XKR4: variants seen among roughly 807,000 people sequenced by gnomAD.
The protein encoded by XKR4 is XK related 4, also known as XK-related protein 4.
In XKR4, 12 loss-of-function variants were observed where a neutral mutation model predicts 53.9. The ratio of observed to expected loss-of-function variants is 0.22; its 90% confidence interval spans 0.14 to 0.36. The LOEUF (loss-of-function observed/expected upper bound fraction) is 0.36. XKR4 is among the 10% of genes least tolerant of loss of function. XKR4 has a pLI of 1.00. For missense variants in XKR4, 799 were observed against 859.5 expected, an observed-to-expected ratio of 0.93 and a Z score of 0.88; for synonymous variants, 354 against 362.4, an observed-to-expected ratio of 0.98 and a Z score of 0.26.
At chr8:55,366,285 C>G (rs1361291723) in intron 2 of XKR4, among the ~76,000 whole-genome samples, 2 of 152,240 alleles carry the variant, frequency 1.3e-5, no homozygotes, top group Non-Finnish European at 2.9e-5. Context: ...CACACACTTC[C>G]CATTCTGTTT....
intron 2 of XKR4, among the ~76,000 whole-genome samples, chr8:55,438,171 C>A (rs1297170689): frequency 1.3e-5 from 2 of 152,036 alleles, no homozygotes; most frequent in East Asian, 3.9e-4. Flanking sequence ...TAACTAAGTC[C>A]CAATTCAATT....
chr8:55,461,967 G>C (rs1028349507), intron 2 of XKR4, among the ~76,000 whole-genome samples: 1 of 152,164 alleles, frequency 6.6e-6, no homozygotes, highest in Non-Finnish European at 1.5e-5. Flanking sequence ...AGAAATATGG[G>C]ACTATGTCAA....
intron 1 of XKR4, among the ~76,000 whole-genome samples, chr8:55,144,267 C>T (rs1816742045): frequency 6.6e-6 from 1 of 151,998 alleles, no homozygotes; most frequent in South Asian, 2.1e-4. Context: ...TGTTAAACAT[C>T]TAGAGAATTA....
chr8:55,457,312 T>G (rs555500337), intron 2 of XKR4, among the ~76,000 whole-genome samples: 48 of 152,100 alleles, frequency 3.2e-4, no homozygotes, highest in Non-Finnish European at 5.6e-4. Flanking sequence ...CCAGCTAATT[T>G]TTTGTATTTT....
At chr8:55,230,861 G>A (rs1354075014) in intron 1 of XKR4, among the ~76,000 whole-genome samples, 1 of 152,180 alleles carries the variant, frequency 6.6e-6, no homozygotes, top group Non-Finnish European at 1.5e-5. Context: ...ATCCCGCCAA[G>A]CCACTGGTGC....
intron 1 of XKR4, among the ~76,000 whole-genome samples, chr8:55,282,875 A>G (rs113103162): frequency 1.3e-3 from 204 of 152,264 alleles, no homozygotes; most frequent in African/African-American, 4.8e-3. Flanking sequence ...AGTTCCATTC[A>G]TTGTAAAATT....
At chr8:55,258,127 C>T (rs1210836531) in intron 1 of XKR4, among the ~76,000 whole-genome samples, 1 of 152,192 alleles carries the variant, frequency 6.6e-6, no homozygotes, top group African/African-American at 2.4e-5. Context: ...AACAACTCTC[C>T]ATGAGAATGC....
At chr8:55,298,841 G>A (rs543265794) in intron 1 of XKR4, among the ~76,000 whole-genome samples, 3 of 152,180 alleles carry the variant, frequency 2.0e-5, no homozygotes, top group African/African-American at 7.2e-5. Context: ...TTTTTTCTGA[G>A]CTATTCGAGA....
At chr8:55,305,395 A>G (rs898177219) in intron 1 of XKR4, among the ~76,000 whole-genome samples, 1 of 152,122 alleles carries the variant, frequency 6.6e-6, no homozygotes, top group African/African-American at 2.4e-5. Context: ...AGGGACCCAG[A>G]GAAAGGAGGG....
chr8:55,128,109 C>G (rs1816499008), intron 1 of XKR4, among the ~76,000 whole-genome samples: 2 of 151,934 alleles, frequency 1.3e-5, no homozygotes, highest in South Asian at 4.2e-4. Context: ...AATGGGATGG[C>G]TGGGTCAAAT....
Position 55,498,798 on chromosome 8 carries a change from CAG to C in XKR4, c.1007-24471_1007-24470del, listed in dbSNP as rs147538336. ...AGACAGAGACAGAGAGAGACAGAGA[CAG>C]AGAGAGAGAGAAGCTCACTACTTTA... On this transcript the variant is annotated intron_variant, in intron 2 of 2. Transcript: ENST00000327381. Among the ~76,000 whole-genome samples, 1,469 of 151,728 alleles carry C rather than the reference CAG, an allele frequency of 9.7e-3. 24 individuals are homozygous for C. The highest frequency in any genetic ancestry group is 0.033 in the African/African-American group (1,358 of 41,430).
chr8:55,402,421 A>G (rs1461232388), intron 2 of XKR4, among the ~76,000 whole-genome samples: 1 of 152,226 alleles, frequency 6.6e-6, no homozygotes, highest in Admixed American at 6.5e-5. Flanking sequence ...TTCAAGGACA[A>G]GATACCTTCT....
At chr8:55,308,578 C>T (rs143714653) in intron 1 of XKR4, among the ~76,000 whole-genome samples, 1 of 152,272 alleles carries the variant, frequency 6.6e-6, no homozygotes, top group East Asian at 1.9e-4. Context: ...ATGGGGATTA[C>T]AATTTGCTAT....
At chr8:55,454,623 G>C (rs1805527706) in intron 2 of XKR4, 6 of 1,244,584 alleles carry the variant, frequency 4.8e-6, no homozygotes, top group Non-Finnish European at 7.0e-6. Flanking sequence ...TCCTCTACTA[G>C]CCCCCAGCCA....
At chr8:55,183,476 A>G (rs970777239) in intron 1 of XKR4, among the ~76,000 whole-genome samples, 1 of 151,818 alleles carries the variant, frequency 6.6e-6, no homozygotes, top group Non-Finnish European at 1.5e-5. Context: ...GTTTATTTTG[A>G]CACTTCCTCA....
chr8:55,428,348 TCAAAAAGCCCC>T (rs1456034801), intron 2 of XKR4, among the ~76,000 whole-genome samples: 2 of 152,126 alleles, frequency 1.3e-5, no homozygotes, highest in East Asian at 1.9e-4. Context: ...ATCCCATCAA[TCAAAAAGCCCC>T]CAAAAAGCCT....
At chr8:55,454,993 G>T in intron 2 of XKR4, 2 of 844,034 alleles carry the variant, frequency 2.4e-6, no homozygotes, top group Non-Finnish European at 4.1e-6. Context: ...TCTGCCACCC[G>T]CTGGACTGGC....
intron 1 of XKR4, among the ~76,000 whole-genome samples, chr8:55,240,310 A>G (rs1818193719): frequency 6.6e-6 from 1 of 152,266 alleles, no homozygotes; most frequent in African/African-American, 2.4e-5. Context: ...GAAAGATATT[A>G]GACATCAAAG....
At chr8:55,408,281 T>C (rs1361969156) in intron 2 of XKR4, among the ~76,000 whole-genome samples, 1 of 152,238 alleles carries the variant, frequency 6.6e-6, no homozygotes, top group Non-Finnish European at 1.5e-5. Context: ...TCCTGATTTT[T>C]CTTCCAATAG....
Sources: gnomAD v4.1 joint callset for allele counts (sites outside exome capture counted in the v4.1 genomes callset) on GRCh38, gnomAD v4.1.1 for gene constraint, MANE v1.5 for transcripts, NCBI Gene and HGNC (gene_info 2026-07-23, HGNC 2026-07-21) for gene names.